Variants in PRKD2 observed in about 807,000 individuals in gnomAD.
The protein encoded by PRKD2 is serine/threonine-protein kinase D2.
Under a neutral mutation model 86.0 loss-of-function variants are expected in PRKD2, and 22 were observed. The observed-to-expected ratio is 0.26, with a 90% CI of 0.18 to 0.37. The LOEUF is 0.37. Ranked by LOEUF, PRKD2 falls within the 10% of genes least tolerant of loss-of-function variation. The pLI, the probability that PRKD2 is intolerant of heterozygous loss-of-function variation, is 1.00. For synonymous variants in PRKD2, 509 were observed against 510.9 expected, an observed-to-expected ratio of 1.00 and a Z score of 0.05; for missense variants, 818 against 1,199.2, an observed-to-expected ratio of 0.68 and a Z score of 4.70.
chr19:46,696,509 C>CAG (rs1463531750), intron 9 of PRKD2, among the ~76,000 whole-genome samples: 4 of 152,020 alleles, frequency 2.6e-5, no homozygotes, highest in African/African-American at 7.2e-5. Flanking sequence ...CCTGTAATCC[C>CAG]AGCACTTTGG....
At chr19:46,701,992 G>C (rs1314431502) in intron 5 of PRKD2, among the ~76,000 whole-genome samples, 1 of 147,240 alleles carries the variant, frequency 6.8e-6, no homozygotes, top group Non-Finnish European at 1.5e-5. Context: ...AGATTCTAGA[G>C]TTTACTAAAA....
At chr19:46,705,831 C>A (rs1224338029) in intron 3 of PRKD2, among the ~76,000 whole-genome samples, 1 of 151,790 alleles carries the variant, frequency 6.6e-6, no homozygotes, top group Non-Finnish European at 1.5e-5. Flanking sequence ...TCCATTGTAC[C>A]ATACTAGGCA....
chr19:46,702,037 TG>T (rs60425149), intron 5 of PRKD2, among the ~76,000 whole-genome samples: 4,681 of 139,938 alleles, frequency 0.033, 110 homozygotes, highest in Admixed American at 0.055. Flanking sequence ...TTCTGTTTTT[TG>T]TTTTTTTTTT....
chr19:46,679,204 C>G (rs145674066), intron 15 of PRKD2, among the ~76,000 whole-genome samples: 4,554 of 152,112 alleles, frequency 0.03, 216 homozygotes, highest in African/African-American at 0.099. Flanking sequence ...TTAGCACACG[C>G]CTGCGGTCCC....
At chr19:46,683,578 C>T (rs887457762) in intron 14 of PRKD2, among the ~76,000 whole-genome samples, 3 of 151,726 alleles carry the variant, frequency 2.0e-5, no homozygotes, top group Non-Finnish European at 2.9e-5. Context: ...AAAAATTAGG[C>T]GTGGTGGTGG....
At chr19:46,705,196 C>T (rs1434820192) in intron 3 of PRKD2, among the ~76,000 whole-genome samples, 2 of 152,084 alleles carry the variant, frequency 1.3e-5, no homozygotes, top group Non-Finnish European at 2.9e-5. Context: ...CAAAAGTCCC[C>T]GCCAAAGCTC....
In PRKD2 at chr19:46,678,065, C is replaced by T. The variant is rs1362155152; in HGVS notation, c.2338+331G>A. The stretch of plus-strand genomic sequence containing the variant: ...AGCCCCTTCTCCTGGTCACCGCAGC[C>T]CTTTGGTACCCTCAAGTCCAGTCCC... On this transcript the variant is annotated intron_variant, in intron 16 of 17. Coordinates refer to ENST00000291281, the MANE Select transcript of PRKD2 (RefSeq NM_016457.5). The surrounding 1 kb of genome is among the most constrained non-coding windows in gnomAD (Gnocchi z 5.7). Among the ~76,000 whole-genome samples the T allele has an allele frequency of 6.6e-6, 1 of 152,138 alleles. No homozygotes were observed. Among genetic ancestry groups the T allele is most frequent in the Non-Finnish European group, 1.5e-5 (1 of 68,032 alleles).
chr19:46,685,139 G>C (rs2053377261), intron 14 of PRKD2, among the ~76,000 whole-genome samples: 1 of 144,288 alleles, frequency 6.9e-6, no homozygotes. Flanking sequence ...CGCACCTGTA[G>C]TCCCAGCTAC....
intron 3 of PRKD2, among the ~76,000 whole-genome samples, chr19:46,708,505 C>T (rs1470665936): frequency 6.6e-6 from 1 of 151,586 alleles, no homozygotes; most frequent in Non-Finnish European, 1.5e-5. Flanking sequence ...TTTTTAGAGA[C>T]GGGGTTTCAC....
chr19:46,703,387 G>T (rs1206449075), intron 5 of PRKD2, among the ~76,000 whole-genome samples: 4 of 152,148 alleles, frequency 2.6e-5, no homozygotes, highest in African/African-American at 7.2e-5. Context: ...AGCACTTTGG[G>T]AGGCCGAGGT....
chr19:46,707,872 G>A (rs2053737626), intron 3 of PRKD2, among the ~76,000 whole-genome samples: 1 of 152,036 alleles, frequency 6.6e-6, no homozygotes. Flanking sequence ...CAAGGCGGGT[G>A]GATCATTTGA....
At chr19:46,699,029 A>G (rs1267406118) in intron 7 of PRKD2, among the ~76,000 whole-genome samples, 1 of 152,134 alleles carries the variant, frequency 6.6e-6, no homozygotes, top group Non-Finnish European at 1.5e-5. Context: ...GAGGCACCGC[A>G]GGAAACACTC....
intron 14 of PRKD2, among the ~76,000 whole-genome samples, chr19:46,684,144 T>C (rs984886035): frequency 9.3e-4 from 141 of 152,296 alleles, no homozygotes; most frequent in African/African-American, 3.3e-3. Flanking sequence ...AATCTTTTTG[T>C]AGAGATGGCA....
chr19:46,687,244 T>C (rs2053413668), intron 14 of PRKD2, among the ~76,000 whole-genome samples: 1 of 152,082 alleles, frequency 6.6e-6, no homozygotes, highest in Non-Finnish European at 1.5e-5. Flanking sequence ...TTATAAAAAT[T>C]AGCTGGGTGT....
chr19:46,715,109 A>AC (rs1279670632), intron 1 of PRKD2, among the ~76,000 whole-genome samples: 1 of 151,954 alleles, frequency 6.6e-6, no homozygotes, highest in African/African-American at 2.4e-5. Flanking sequence ...CTAGATTCCT[A>AC]CCTGGTATCA....
intron 14 of PRKD2, among the ~76,000 whole-genome samples, chr19:46,688,565 T>G (rs889054409): frequency 1.3e-5 from 2 of 151,668 alleles, no homozygotes; most frequent in African/African-American, 4.8e-5. Flanking sequence ...GCCTCCCAAG[T>G]AGCTATGATT....
chr19:46,706,961 C>T (rs1347069023), intron 3 of PRKD2, among the ~76,000 whole-genome samples: 2 of 148,694 alleles, frequency 1.3e-5, no homozygotes, highest in Non-Finnish European at 3.0e-5. Context: ...GGTATGATCT[C>T]GGCTCACTGC....
intron 3 of PRKD2, among the ~76,000 whole-genome samples, chr19:46,708,956 G>GGTT (rs1385343408): frequency 2.7e-5 from 4 of 150,536 alleles, no homozygotes; most frequent in African/African-American, 9.8e-5. Flanking sequence ...TTGCCATGAA[G>GGTT]GTTGGTTTGT....
intron 15 of PRKD2, among the ~76,000 whole-genome samples, chr19:46,680,944 ATAT>A (rs532764957): frequency 0.01 from 433 of 43,058 alleles, no homozygotes; most frequent in African/African-American, 0.029. Context: ...ATATATATAT[ATAT>A]TTTTTTTTTT....
Sources: gnomAD v4.1 joint callset for allele counts (sites outside exome capture counted in the v4.1 genomes callset) on GRCh38, gnomAD v4.1.1 for gene constraint, Gnocchi (gnomAD v3.1) non-coding constraint, MANE v1.5 for transcripts, NCBI Gene and HGNC (gene_info 2026-07-23, HGNC 2026-07-21) for gene names.